The following NAA25 variants were observed in gnomAD, a reference collection of about 807,000 sequenced individuals.
The protein encoded by NAA25 is N-terminal acetyltransferase B complex subunit NAA25.
A neutral mutation model predicts 132.5 loss-of-function variants in NAA25; 30 were observed. That is an observed-to-expected ratio of 0.23 (90% confidence interval 0.17 to 0.31). The LOEUF is 0.31. Ranked by LOEUF, NAA25 falls within the 10% of genes least tolerant of loss-of-function variation. NAA25 has a pLI of 1.00. For synonymous variants in NAA25, 359 were observed against 401.9 expected (o/e 0.89, Z 1.28); for missense variants, 771 against 1,150.4 (o/e 0.67, Z 4.77).
intron 22 of NAA25, among the ~76,000 whole-genome samples, chr12:112,038,816 C>A (rs987293647): frequency 6.6e-6 from 1 of 152,008 alleles, no homozygotes; most frequent in African/African-American, 2.4e-5. Context: ...CCCGTCTGTA[C>A]TAAAATACAA....
At chr12:112,090,411 A>T (rs191566945) in intron 3 of NAA25, 1 of 215,862 alleles carries the variant, frequency 4.6e-6, no homozygotes, top group East Asian at 1.1e-4. Context: ...AATGAGAACA[A>T]TGGGGTTTAT....
In NAA25 at chr12:112,054,512, T is replaced by C; in HGVS notation, c.1504A>G (p.Ser502Gly). ...LTLLEEGLTH[S>G]PSNAQFKLLL... ...AATTTGAACTGAGCATTGGAAGGGC[T>C]ATGGGTTAATCCCTCTTCCAGCAAA... The change falls in exon 14 of 24, where the codon AGC becomes GGC. Residue 502 changes from serine to glycine, a missense_variant. Physicochemically the swap from Ser to Gly is moderately conservative, Grantham distance 56. This residue lies in a region of NAA25 where 417 missense variants were observed against 733.8 expected (regional missense o/e 0.57). Transcript: ENST00000261745. The C allele has an allele frequency of 1.2e-6, 2 of 1,614,162 alleles. No homozygotes were observed. Among genetic ancestry groups the C allele is most frequent in the Non-Finnish European group, 8.5e-7 (1 of 1,180,018 alleles).
At chr12:112,052,682 A>G (rs1295670301) in intron 15 of NAA25, among the ~76,000 whole-genome samples, 1 of 152,238 alleles carries the variant, frequency 6.6e-6, no homozygotes, top group East Asian at 1.9e-4. Context: ...ACAGTAAAAC[A>G]AAAGGGTTTA....
At chr12:112,080,386 TCA>T (rs1440310844) in intron 5 of NAA25, among the ~76,000 whole-genome samples, 4 of 149,266 alleles carry the variant, frequency 2.7e-5, no homozygotes, top group Non-Finnish European at 5.9e-5. Flanking sequence ...CACAAAATGT[TCA>T]CAGTCAGATA....
At chr12:112,098,652 A>G (rs1240664666) in intron 1 of NAA25, among the ~76,000 whole-genome samples, 1 of 152,152 alleles carries the variant, frequency 6.6e-6, no homozygotes, top group Non-Finnish European at 1.5e-5. Flanking sequence ...AAACAATAAG[A>G]TGTATTGGTT....
intron 11 of NAA25, among the ~76,000 whole-genome samples, chr12:112,067,119 G>C (rs1194567199): frequency 1.3e-5 from 2 of 152,098 alleles, no homozygotes; most frequent in Admixed American, 6.5e-5. Context: ...AGAATCCCTT[G>C]AACCAGGAGG....
intron 11 of NAA25, among the ~76,000 whole-genome samples, chr12:112,067,319 GGA>G (rs1339537927): frequency 3.9e-5 from 6 of 152,102 alleles, no homozygotes; most frequent in African/African-American, 1.4e-4. Flanking sequence ...CTACAGACTG[GGA>G]GAATACATTT....
At chr12:112,059,075 C>CA (rs530305102) in intron 13 of NAA25, among the ~76,000 whole-genome samples, 2 of 63,236 alleles carry the variant, frequency 3.2e-5, no homozygotes, top group Non-Finnish European at 7.8e-5. Context: ...CTCCATCTCA[C>CA]AAAAAAAAAA....
At chr12:112,066,601 T>C (rs1211371814) in intron 11 of NAA25, among the ~76,000 whole-genome samples, 1 of 152,164 alleles carries the variant, frequency 6.6e-6, no homozygotes, top group Non-Finnish European at 1.5e-5. Context: ...CAACCATTTT[T>C]CCCTCTTATA....
intron 18 of NAA25, 106 bp downstream of exon 18, chr12:112,043,519 T>G: frequency 7.7e-7 from 1 of 1,306,534 alleles, no homozygotes; most frequent in Non-Finnish European, 1.1e-6. Flanking sequence ...AGCCATAAAC[T>G]GGGACAAAAC....
rs530035396 is a variant in NAA25, at chr12:112,101,254, T to C, written c.58+7462A>G. Among the ~76,000 whole-genome samples the C allele has an allele frequency of 2.6e-5, 4 of 152,256 alleles. No homozygotes were observed. In the South Asian group the frequency reaches 6.2e-4, roughly 24 times the overall value. On this transcript the variant is annotated intron_variant, in intron 1 of 23. Transcript: ENST00000261745. ...ATTCCTTCAAATCCCTTAACATAAC[T>C]GTAATGGTGATGTGTACTGTCATTT...
At chr12:112,075,013 T>C (rs1215116647) in intron 8 of NAA25, among the ~76,000 whole-genome samples, 1 of 152,082 alleles carries the variant, frequency 6.6e-6, no homozygotes, top group Non-Finnish European at 1.5e-5. Context: ...AAAACTAATA[T>C]TCATAACAGA....
At chr12:112,089,855 T>A (rs914091308) in intron 3 of NAA25, among the ~76,000 whole-genome samples, 1 of 151,294 alleles carries the variant, frequency 6.6e-6, no homozygotes, top group Non-Finnish European at 1.5e-5. Flanking sequence ...TAGCTGGGGA[T>A]GGTGGTGCAT....
intron 15 of NAA25, among the ~76,000 whole-genome samples, chr12:112,052,510 G>A (rs779148671): frequency 6.6e-6 from 1 of 152,292 alleles, no homozygotes; most frequent in East Asian, 1.9e-4. Context: ...CCTGCTTAGA[G>A]CTGTCCTTTG....
chr12:112,030,571 C>T (rs2078136389), intron 23 of NAA25, among the ~76,000 whole-genome samples: 1 of 152,060 alleles, frequency 6.6e-6, no homozygotes, highest in Admixed American at 6.5e-5. Flanking sequence ...CAAATGTTTG[C>T]TGTAGTAGAG....
chr12:112,048,810 A>G (rs1346904015), intron 15 of NAA25, among the ~76,000 whole-genome samples: 1 of 152,134 alleles, frequency 6.6e-6, no homozygotes, highest in Non-Finnish European at 1.5e-5. Flanking sequence ...TTCTGCATCT[A>G]AGATAAACTG....
At chr12:112,052,671 T>C (rs1224313140) in intron 15 of NAA25, among the ~76,000 whole-genome samples, 1 of 152,182 alleles carries the variant, frequency 6.6e-6, no homozygotes, top group Non-Finnish European at 1.5e-5. Flanking sequence ...GTCATCCTGT[T>C]ACAGTAAAAC....
At position 112,054,479 on chromosome 12, in the gene NAA25, C is replaced by A; in HGVS notation, c.1537G>T (p.Val513Phe). Reference sequence around the variant, plus strand: ...GCACCCAGCATACAGTAGATTCGAACAAGCAGCAATTTGAACTGAGCATTG... The same window carrying A: ...GCACCCAGCATACAGTAGATTCGAAAAAGCAGCAATTTGAACTGAGCATTG... ...PSNAQFKLLLVRIYCMLGAFE... is the reference protein window; with the variant it reads ...PSNAQFKLLLFRIYCMLGAFE... Residue 513 changes from valine (V) to phenylalanine (F), a missense_variant, in exon 14 of 24, where the codon GTT (valine) becomes TTT (phenylalanine). Coordinates refer to ENST00000261745, the MANE Select transcript of NAA25 (RefSeq NM_024953.4). 6.2e-7 allele frequency: 1 copy of A among 1,614,176 alleles called. No homozygotes were observed. Among genetic ancestry groups the A allele is most frequent in the South Asian group, 1.1e-5 (1 of 91,088 alleles).
At chr12:112,062,428 A>T (rs1247859930) in intron 11 of NAA25, among the ~76,000 whole-genome samples, 1 of 151,218 alleles carries the variant, frequency 6.6e-6, no homozygotes, top group African/African-American at 2.4e-5. Context: ...GTTATAAAAG[A>T]AAAAATAGGC....
Sources: allele counts gnomAD v4.1 joint callset (sites outside exome capture counted in the v4.1 genomes callset), GRCh38; gene constraint gnomAD v4.1.1; regional missense constraint gnomAD v4.1.1; transcripts MANE v1.5; gene names NCBI Gene and HGNC (gene_info 2026-07-23, HGNC 2026-07-21).